TFDP2: variants seen among roughly 807,000 people sequenced by gnomAD.
The protein encoded by TFDP2 is transcription factor Dp-2 (E2F dimerization partner 2).
Under a neutral mutation model 59.3 loss-of-function variants are expected in TFDP2, and 17 were observed. That is an observed-to-expected ratio of 0.29 (90% CI 0.20 to 0.43). The LOEUF (loss-of-function observed/expected upper bound fraction) is 0.43, where lower values mean the gene tolerates loss of function less well. TFDP2 is among the 20% of genes least tolerant of loss of function. The pLI, the probability that TFDP2 is intolerant of heterozygous loss-of-function variation, is 1.00. For missense variants in TFDP2, 391 were observed against 528.8 expected (o/e 0.74, Z 2.56); for synonymous variants, 180 against 194.7 (o/e 0.92, Z 0.63).
intron 1 of TFDP2, among the ~76,000 whole-genome samples, chr3:142,114,512 T>C (rs1208868973): frequency 6.6e-6 from 1 of 152,144 alleles, no homozygotes; most frequent in Non-Finnish European, 1.5e-5. Flanking sequence ...TCATGTACCA[T>C]ATATTGAAAA....
chr3:141,954,386 A>T (rs1936308534), intron 11 of TFDP2, among the ~76,000 whole-genome samples: 1 of 152,156 alleles, frequency 6.6e-6, no homozygotes, highest in South Asian at 2.1e-4. Flanking sequence ...CATGCCTGTA[A>T]TCCCAGCACT....
intron 4 of TFDP2, among the ~76,000 whole-genome samples, chr3:142,004,856 C>T (rs888931270): frequency 1.3e-5 from 2 of 152,092 alleles, no homozygotes; most frequent in South Asian, 2.1e-4. Context: ...TCAATTTAAA[C>T]AATACAAGAG....
chr3:142,073,472 C>CCCCCCCCCCAAAAA (rs1553796689), intron 3 of TFDP2, among the ~76,000 whole-genome samples: 1 of 52,502 alleles, frequency 1.9e-5, no homozygotes, highest in Non-Finnish European at 3.6e-5. Flanking sequence ...CCCCCCCCCG[C>CCCCCCCCCCAAAAA]AAAAAAAAAA....
At chr3:142,061,599 T>C (rs533063776) in intron 3 of TFDP2, among the ~76,000 whole-genome samples, 1 of 152,076 alleles carries the variant, frequency 6.6e-6, no homozygotes, top group African/African-American at 2.4e-5. Flanking sequence ...CTGCTTCTGT[T>C]TGAGCTGGAC....
intron 2 of TFDP2, among the ~76,000 whole-genome samples, chr3:142,101,425 C>T (rs1366134071): frequency 6.6e-6 from 1 of 150,884 alleles, no homozygotes; most frequent in Non-Finnish European, 1.5e-5. Flanking sequence ...AACCCTCCAG[C>T]AAGTACCAAA....
In TFDP2 at chr3:142,055,941, CTTTTTTTTTTTTTTTT is replaced by C. The variant is rs529693273; in HGVS notation, c.82+37104_82+37119del. 2.1e-3 allele frequency among the ~76,000 whole-genome samples: 148 copies of C among 70,226 alleles called. 1 individual carries two copies. Among genetic ancestry groups the C allele is most frequent in the South Asian group, 3.2e-3 (4 of 1,240 alleles). 46.1% of individuals were successfully genotyped at this position (70,226 alleles called of 152,430 possible). Reference sequence around the variant, plus strand: ...AAGCCCACATGCATTTATTAAGTACCTTTTTTTTTTTTTTTTTTTTTTTTTTTTTTGAGACAGAGTC... The same window carrying C: ...AAGCCCACATGCATTTATTAAGTACCTTTTTTTTTTTTTTGAGACAGAGTC... On this transcript the variant is annotated intron_variant, in intron 3 of 12. Coordinates refer to ENST00000489671, the MANE Select transcript of TFDP2 (RefSeq NM_001178139.2).
chr3:141,977,107 T>C (rs1940773912), intron 7 of TFDP2, among the ~76,000 whole-genome samples: 3 of 86,714 alleles, frequency 3.5e-5, no homozygotes, highest in African/African-American at 1.5e-4. Context: ...TATATATATA[T>C]TTTTTTTTTT....
intron 1 of TFDP2, among the ~76,000 whole-genome samples, chr3:142,134,569 C>G (rs2062650919): frequency 1.3e-5 from 2 of 152,038 alleles, no homozygotes; most frequent in Admixed American, 6.5e-5. Context: ...TTACTCTACC[C>G]TTGCATTAAT....
At chr3:142,148,498 C>A (rs1268822614) in intron 1 of TFDP2, among the ~76,000 whole-genome samples, 1 of 152,154 alleles carries the variant, frequency 6.6e-6, no homozygotes, top group Non-Finnish European at 1.5e-5. Flanking sequence ...ATTCACTCCC[C>A]GAAACACACC....
At chr3:141,974,454 C>T (rs1940292589) in intron 7 of TFDP2, among the ~76,000 whole-genome samples, 1 of 152,060 alleles carries the variant, frequency 6.6e-6, no homozygotes, top group African/African-American at 2.4e-5. Flanking sequence ...CAGATCTACA[C>T]TGAAATATAC....
intron 3 of TFDP2, among the ~76,000 whole-genome samples, chr3:142,090,174 T>C (rs1040514847): frequency 2.6e-5 from 4 of 152,156 alleles, no homozygotes; most frequent in Admixed American, 2.6e-4. Flanking sequence ...AAACATATAA[T>C]TATTTCAGCC....
intron 3 of TFDP2, among the ~76,000 whole-genome samples, chr3:142,016,303 T>A (rs1199247710): frequency 1.3e-3 from 9 of 7,012 alleles, no homozygotes; most frequent in African/African-American, 0.01. Context: ...CCCAGCAACA[T>A]TTTTTTTTTT....
At chr3:142,146,280 A>G (rs1025150617) in intron 1 of TFDP2, among the ~76,000 whole-genome samples, 1 of 152,192 alleles carries the variant, frequency 6.6e-6, no homozygotes, top group African/African-American at 2.4e-5. Context: ...GAACAGAGAG[A>G]GCATGAACAA....
intron 3 of TFDP2, among the ~76,000 whole-genome samples, chr3:142,011,758 G>A (rs901601498): frequency 6.6e-6 from 1 of 151,880 alleles, no homozygotes; most frequent in East Asian, 1.9e-4. Flanking sequence ...CATTTTAAAA[G>A]TACTGACTTG....
At position 141,951,062 on chromosome 3, in the gene TFDP2, G is replaced by A. The variant is rs1935888152; in HGVS notation, c.*1451C>T. On this transcript the variant is annotated 3_prime_UTR_variant, in exon 13 of 13. Transcript: ENST00000489671. Reference sequence around the variant, plus strand: ...CTATAAAGAGGCACCACAGGAAGGAGCCTGCACTTCCCCCATGGGATTTAA... The same window carrying A: ...CTATAAAGAGGCACCACAGGAAGGAACCTGCACTTCCCCCATGGGATTTAA... The A allele has an allele frequency of 1.3e-5, 2 of 152,184 alleles. No individual in the cohort carries two copies. Among genetic ancestry groups the A allele is most frequent in the Admixed American group, 1.3e-4 (2 of 15,274 alleles). The allele number at this position is 152,184 out of a possible 1,614,324, so 9.4% of individuals were successfully genotyped here.
chr3:142,016,311 TTTTTTTTAAGA>T (rs1034406764), intron 3 of TFDP2, among the ~76,000 whole-genome samples: 1 of 149,366 alleles, frequency 6.7e-6, no homozygotes, highest in Admixed American at 6.7e-5. Flanking sequence ...CATTTTTTTT[TTTTTTTTAAGA>T]CAGTCTCACT....
chr3:141,959,905 C>T, intron 10 of TFDP2, 65 bp from the exon 11 acceptor site: 2 of 1,519,080 alleles, frequency 1.3e-6, no homozygotes, highest in East Asian at 2.3e-5. Context: ...GTTTTGTATT[C>T]TATAGTTTAA....
chr3:142,048,513 A>T (rs1002954526), intron 3 of TFDP2, among the ~76,000 whole-genome samples: 12 of 152,318 alleles, frequency 7.9e-5, no homozygotes, highest in African/African-American at 2.9e-4. Context: ...CAGATTAATA[A>T]AATATTTCTA....
intron 1 of TFDP2, among the ~76,000 whole-genome samples, chr3:142,116,802 C>T (rs1553810100): frequency 6.6e-6 from 1 of 150,558 alleles, no homozygotes; most frequent in Non-Finnish European, 1.5e-5. Flanking sequence ...ATATAAGTTA[C>T]GTTTTTCTTT....
Sources: allele counts gnomAD v4.1 joint callset (sites outside exome capture counted in the v4.1 genomes callset), GRCh38; gene constraint gnomAD v4.1.1; transcripts MANE v1.5; gene names NCBI Gene and HGNC (gene_info 2026-07-23, HGNC 2026-07-21).